NKAIN3: variants seen among roughly 807,000 people sequenced by gnomAD.
The protein encoded by NKAIN3 is sodium/potassium-transporting ATPase subunit beta-1-interacting protein 3.
NKAIN3 carries 25 observed loss-of-function variants against 30.2 expected under a neutral mutation model. The observed-to-expected ratio is 0.83, with a 90% CI of 0.60 to 1.16. The LOEUF (loss-of-function observed/expected upper bound fraction) is 1.16. Ranked by LOEUF, NKAIN3 falls within the 50% of genes most tolerant of loss-of-function variation. The probability of loss-of-function intolerance (pLI) is 0.00; values close to 1 mark genes in which losing one functional copy is unlikely to be tolerated. For missense variants in NKAIN3, 225 were observed against 254.1 expected, an observed-to-expected ratio of 0.89 and a Z score of 0.78; for synonymous variants, 91 against 89.6, an observed-to-expected ratio of 1.02 and a Z score of -0.09.
chr8:62,993,056 T>TGTTTTG (rs60973245), intron 5 of NKAIN3, among the ~76,000 whole-genome samples: 1 of 151,978 alleles, frequency 6.6e-6, no homozygotes, highest in Non-Finnish European at 1.5e-5. Context: ...TGTTTTGTTT[T>TGTTTTG]TTTGCCTCTA....
At chr8:62,796,642 G>A (rs1264636840) in intron 4 of NKAIN3, among the ~76,000 whole-genome samples, 1 of 152,066 alleles carries the variant, frequency 6.6e-6, no homozygotes, top group Non-Finnish European at 1.5e-5. Flanking sequence ...TCAAAGAATT[G>A]TTTACACCCA....
chr8:62,408,391 C>A (rs1804141292), intron 1 of NKAIN3, among the ~76,000 whole-genome samples: 1 of 152,106 alleles, frequency 6.6e-6, no homozygotes, highest in African/African-American at 2.4e-5. Flanking sequence ...GCCCACAAGA[C>A]TGAACTGGTG....
At chr8:62,915,378 A>G (rs1219528841) in intron 4 of NKAIN3, among the ~76,000 whole-genome samples, 1 of 152,198 alleles carries the variant, frequency 6.6e-6, no homozygotes, top group Non-Finnish European at 1.5e-5. Context: ...AGGAAGGACC[A>G]GGGAGATGGC....
At chr8:62,996,609 A>G (rs949306046) in intron 5 of NKAIN3, among the ~76,000 whole-genome samples, 9 of 152,016 alleles carry the variant, frequency 5.9e-5, no homozygotes, top group African/African-American at 2.2e-4. Context: ...GAGACAAGGT[A>G]TGTCCCTTCC....
intron 4 of NKAIN3, among the ~76,000 whole-genome samples, chr8:62,817,899 G>A (rs1818734461): frequency 6.6e-6 from 1 of 152,048 alleles, no homozygotes; most frequent in African/African-American, 2.4e-5. Flanking sequence ...TTTCTTTCCT[G>A]TTTTTGATTG....
At chr8:62,558,161 G>A (rs540925309) in intron 1 of NKAIN3, among the ~76,000 whole-genome samples, 1 of 152,180 alleles carries the variant, frequency 6.6e-6, no homozygotes, top group South Asian at 2.1e-4. Flanking sequence ...TTGTTGAATA[G>A]GGTGTCCTTT....
At chr8:62,688,641 A>C (rs904597380) in intron 3 of NKAIN3, among the ~76,000 whole-genome samples, 1 of 152,138 alleles carries the variant, frequency 6.6e-6, no homozygotes, top group South Asian at 2.1e-4. Context: ...AGTTCTGTCA[A>C]GTAAAAATTC....
chr8:62,364,179 T>A (rs1816654084), intron 1 of NKAIN3, among the ~76,000 whole-genome samples: 1 of 152,188 alleles, frequency 6.6e-6, no homozygotes, highest in South Asian at 2.1e-4. Flanking sequence ...TGTGTTCTGT[T>A]GTAGGTCCAT....
intron 3 of NKAIN3, among the ~76,000 whole-genome samples, chr8:62,701,433 G>T (rs1814328695): frequency 6.6e-6 from 1 of 152,172 alleles, no homozygotes; most frequent in African/African-American, 2.4e-5. Flanking sequence ...TATGGGTTGT[G>T]AGAGCACAAG....
chr8:62,550,644 A>G (rs1043308365), intron 1 of NKAIN3, among the ~76,000 whole-genome samples: 13 of 152,228 alleles, frequency 8.5e-5, no homozygotes, highest in Non-Finnish European at 1.6e-4. Context: ...TCTCTAAAGC[A>G]AAAATGCAGA....
At chr8:62,523,611 G>A (rs1447337091) in intron 1 of NKAIN3, among the ~76,000 whole-genome samples, 8 of 152,118 alleles carry the variant, frequency 5.3e-5, no homozygotes, top group South Asian at 2.1e-4. Flanking sequence ...ACTGGAATAT[G>A]TTTTTAGGAG....
chr8:62,339,435 G>A (rs1193955917), intron 1 of NKAIN3, among the ~76,000 whole-genome samples: 1 of 151,998 alleles, frequency 6.6e-6, no homozygotes, highest in Admixed American at 6.6e-5. Flanking sequence ...AGTGGAAGTG[G>A]GGTGTACACT....
chr8:62,889,220 A>C, intron 4 of NKAIN3, among the ~76,000 whole-genome samples: 1 of 152,062 alleles, frequency 6.6e-6, no homozygotes, highest in East Asian at 1.9e-4. Flanking sequence ...AATGCAAAAA[A>C]TTAGCTGGGC....
At chr8:62,454,976 A>G (rs1805768400) in intron 1 of NKAIN3, among the ~76,000 whole-genome samples, 1 of 152,086 alleles carries the variant, frequency 6.6e-6, no homozygotes, top group Non-Finnish European at 1.5e-5. Flanking sequence ...GCACATGCCA[A>G]CTCAGGTGGA....
At chr8:62,369,297 C>T (rs1473894332) in intron 1 of NKAIN3, among the ~76,000 whole-genome samples, 1 of 152,040 alleles carries the variant, frequency 6.6e-6, no homozygotes, top group Non-Finnish European at 1.5e-5. Context: ...ACAGAATTTA[C>T]ATTGTGTCTA....
intron 6 of NKAIN3, among the ~76,000 whole-genome samples, chr8:62,961,244 C>T (rs554630898): frequency 3.3e-5 from 5 of 151,882 alleles, no homozygotes; most frequent in South Asian, 4.2e-4. Flanking sequence ...AGTGCCACTG[C>T]ACTCCAGCCT....
At chr8:62,676,713 TC>T (rs1373330043) in intron 3 of NKAIN3, among the ~76,000 whole-genome samples, 1 of 144,296 alleles carries the variant, frequency 6.9e-6, no homozygotes, top group Non-Finnish European at 1.5e-5. Context: ...TTAATAACAG[TC>T]TTTTTTTTTT....
downstream of NKAIN3, among the ~76,000 whole-genome samples, chr8:62,988,018 C>T (rs1490744830): frequency 6.6e-6 from 1 of 152,176 alleles, no homozygotes; most frequent in Non-Finnish European, 1.5e-5. Flanking sequence ...GGGCTATAGG[C>T]CCTATGCAAG....
chr8:62,571,758 G>C (rs569441820), intron 1 of NKAIN3, among the ~76,000 whole-genome samples: 1 of 152,138 alleles, frequency 6.6e-6, no homozygotes, highest in Non-Finnish European at 1.5e-5. Context: ...AGCTGTCAAG[G>C]CTTGGGGCTT....
Sources: gnomAD v4.1 joint callset for allele counts (sites outside exome capture counted in the v4.1 genomes callset) on GRCh38, gnomAD v4.1.1 for gene constraint, MANE v1.5 for transcripts, NCBI Gene and HGNC (gene_info 2026-07-23, HGNC 2026-07-21) for gene names.